DPYD: variants seen among roughly 807,000 people sequenced by gnomAD.
The protein encoded by DPYD is dihydropyrimidine dehydrogenase [NADP(+)].
DPYD carries 109 observed loss-of-function variants against 116.2 expected under a neutral mutation model. The observed-to-expected ratio is 0.94, with a 90% CI of 0.80 to 1.10. The LOEUF is 1.10. Among genes scored for constraint, DPYD ranks in the 50% least tolerant of loss-of-function variants. DPYD has a pLI of 0.00. For synonymous variants in DPYD, 440 were observed against 432.0 expected, an observed-to-expected ratio of 1.02 and a Z score of -0.23; for missense variants, 1,302 against 1,254.5, an observed-to-expected ratio of 1.04 and a Z score of -0.57.
intron 13 of DPYD, among the ~76,000 whole-genome samples, chr1:97,499,817 A>G (rs998035251): frequency 4.6e-5 from 7 of 151,976 alleles, no homozygotes; most frequent in Non-Finnish European, 1.0e-4. Context: ...TATTTACACA[A>G]TAGTGTAAGT....
At chr1:97,759,299 C>T (rs1665444532) in intron 3 of DPYD, among the ~76,000 whole-genome samples, 1 of 152,114 alleles carries the variant, frequency 6.6e-6, no homozygotes, top group Non-Finnish European at 1.5e-5. Flanking sequence ...ATTTCTTATT[C>T]CTCTTGTCCT....
rs1291534942 is a variant in DPYD at position 97,828,125 on chromosome 1, T to C, written c.222A>G (p.Arg74=). 1.2e-6 allele frequency: 2 copies of C among 1,613,774 alleles called. No individual in the cohort carries two copies. The highest frequency in any genetic ancestry group is 4.5e-5 in the East Asian group (2 of 44,848). ...TGACCCAGACTTACCTCATTGCTTC[T>C]CGGAGAGCTCCTCGCTCACCAAGAG... The part of the protein sequence containing the change: ...HTTLGERGAL[R]EAMRCLKCAD... The change falls in exon 3 of 23, where the codon CGA becomes CGG. Residue 74 remains arginine, a synonymous_variant. Coordinates refer to ENST00000370192, the MANE Select transcript of DPYD (RefSeq NM_000110.4).
In DPYD at chr1:97,547,147, A is replaced by G. The variant is rs1650957524; in HGVS notation, c.1524+2413T>C. 2.0e-5 allele frequency among the ~76,000 whole-genome samples: 3 copies of G among 152,276 alleles called. No homozygotes were observed. In the South Asian group the frequency reaches 6.2e-4, roughly 32 times the overall value. On this transcript the variant is annotated intron_variant, in intron 12 of 22. Coordinates refer to ENST00000370192, the MANE Select transcript of DPYD (RefSeq NM_000110.4). ...GCCTTGGTACAACCTGAAAAATGTT[A>G]AGGCTTACTGAAACCTTTCAAGTAT...
At chr1:97,659,505 T>C (rs1659131535) in intron 8 of DPYD, among the ~76,000 whole-genome samples, 1 of 152,194 alleles carries the variant, frequency 6.6e-6, no homozygotes, top group African/African-American at 2.4e-5. Context: ...TATCAATCCA[T>C]AATGGGGAGT....
chr1:97,751,482 A>ATATATATG lies in DPYD; in HGVS notation c.234-11004_234-11003insCATATATA, dbSNP rs1557933351. ...TGTGTATATATATATATATATATAT[A>ATATATATG]TATATATATATATGGCAGGGGACAG... On this transcript the variant is annotated intron_variant, in intron 3 of 22. Coordinates refer to ENST00000370192, the MANE Select transcript of DPYD (RefSeq NM_000110.4). 4.3e-4 allele frequency among the ~76,000 whole-genome samples: 55 copies of ATATATATG among 126,582 alleles called. 3 individuals are homozygous for ATATATATG. The highest frequency in any genetic ancestry group is 3.8e-3 in the Middle Eastern group (1 of 262). 83.0% of individuals were successfully genotyped at this position (126,582 alleles called of 152,430 possible).
At chr1:97,489,585 T>G (rs1010216045) in intron 13 of DPYD, among the ~76,000 whole-genome samples, 5 of 152,218 alleles carry the variant, frequency 3.3e-5, no homozygotes, top group African/African-American at 1.2e-4. Flanking sequence ...CTATGGTTAT[T>G]GTCCTGGTTA....
intron 20 of DPYD, among the ~76,000 whole-genome samples, chr1:97,165,432 T>C (rs768215738): frequency 6.6e-6 from 1 of 151,954 alleles, no homozygotes; most frequent in Non-Finnish European, 1.5e-5. Flanking sequence ...CAACTTAAGA[T>C]GGATTGAAGA....
chr1:97,294,394 T>C (rs1377416731), intron 18 of DPYD, among the ~76,000 whole-genome samples: 4 of 152,004 alleles, frequency 2.6e-5, no homozygotes, highest in Non-Finnish European at 5.9e-5. Context: ...TATAGGTTTT[T>C]TAAATCTCAA....
At chr1:97,181,023 G>A (rs924149096) in intron 20 of DPYD, among the ~76,000 whole-genome samples, 3 of 152,110 alleles carry the variant, frequency 2.0e-5, no homozygotes, top group African/African-American at 4.8e-5. Context: ...TAGAATTGGT[G>A]ACCTGTTGGT....
chr1:97,097,990 T>A (rs1054974109), intron 21 of DPYD, among the ~76,000 whole-genome samples: 1 of 152,156 alleles, frequency 6.6e-6, no homozygotes, highest in Non-Finnish European at 1.5e-5. Context: ...AATTCTATCT[T>A]AGTGTAATTT....
intron 11 of DPYD, among the ~76,000 whole-genome samples, chr1:97,569,381 T>C (rs566492344): frequency 3.0e-4 from 44 of 149,078 alleles, no homozygotes; most frequent in African/African-American, 1.1e-3. Flanking sequence ...AAACATCCTA[T>C]ATTAGGAAAT....
At chr1:97,157,142 G>T (rs1655527997) in intron 20 of DPYD, among the ~76,000 whole-genome samples, 1 of 150,568 alleles carries the variant, frequency 6.6e-6, no homozygotes, top group Non-Finnish European at 1.5e-5. Context: ...GGGGAGGATA[G>T]CATTAGGAGA....
chr1:97,750,797 T>C (rs995031666), intron 3 of DPYD, among the ~76,000 whole-genome samples: 1 of 152,202 alleles, frequency 6.6e-6, no homozygotes, highest in Admixed American at 6.5e-5. Flanking sequence ...GAAAGTGTAG[T>C]ATTTGTAGGA....
intron 1 of DPYD, among the ~76,000 whole-genome samples, chr1:97,904,856 C>A (rs1361597573): frequency 6.6e-6 from 1 of 151,928 alleles, no homozygotes; most frequent in Non-Finnish European, 1.5e-5. Flanking sequence ...AGTTATTACT[C>A]CCTTACAGTT....
At chr1:97,399,447 T>C (rs1159259599) in intron 14 of DPYD, among the ~76,000 whole-genome samples, 2 of 152,066 alleles carry the variant, frequency 1.3e-5, no homozygotes, top group African/African-American at 2.4e-5. Context: ...TTTGGTTCCA[T>C]ATGAACTTTA....
intron 14 of DPYD, among the ~76,000 whole-genome samples, chr1:97,436,348 ATTT>A (rs1675473067): frequency 6.6e-6 from 1 of 151,948 alleles, no homozygotes; most frequent in Non-Finnish European, 1.5e-5. Context: ...TTTTATTTTC[ATTT>A]TTTGACATGA....
At chr1:97,549,413 A>G in intron 12 of DPYD, 147 bp downstream of exon 12, 1 of 976,138 alleles carries the variant, frequency 1.0e-6, no homozygotes, top group Non-Finnish European at 1.5e-6. Context: ...TCTACATTTT[A>G]AAATTTGTAT....
rs542145000 is a variant in DPYD at position 97,341,248 on chromosome 1, C to CCTCTGT, written c.2058+32307_2058+32312dup. 2.4e-4 allele frequency among the ~76,000 whole-genome samples: 36 copies of CCTCTGT among 152,228 alleles called. 1 individual carries two copies. In the East Asian group the frequency reaches 4.4e-3, roughly 19 times the overall value. On this transcript the variant is annotated intron_variant, in intron 16 of 22. Transcript: ENST00000370192. ...ACACAGGGTTCTCTCTTTTTCTCTC[C>CCTCTGT]CTCTGTCTCTGTCTCTCACTACATA...
intron 12 of DPYD, among the ~76,000 whole-genome samples, chr1:97,517,312 A>G (rs1450965265): frequency 2.6e-5 from 4 of 152,028 alleles, no homozygotes; most frequent in Non-Finnish European, 5.9e-5. Flanking sequence ...TATACTATTA[A>G]AAGGATTATT....
Sources: gnomAD v4.1 joint callset for allele counts (sites outside exome capture counted in the v4.1 genomes callset) on GRCh38, gnomAD v4.1.1 for gene constraint, MANE v1.5 for transcripts, NCBI Gene and HGNC (gene_info 2026-07-23, HGNC 2026-07-21) for gene names.